Variants in DSCAML1 observed in about 807,000 individuals in gnomAD.
DSCAML1 encodes DS cell adhesion molecule like 1, also known as cell adhesion molecule DSCAML1.
Under a neutral mutation model 200.5 loss-of-function variants are expected in DSCAML1, and 38 were observed. That is an observed-to-expected ratio of 0.19 (90% confidence interval 0.15 to 0.25). DSCAML1 has a LOEUF of 0.25. DSCAML1 is among the 10% of genes least tolerant of loss of function. The pLI, the probability that DSCAML1 is intolerant of heterozygous loss-of-function variation, is 1.00. For synonymous variants in DSCAML1, 1,215 were observed against 1,165.0 expected (o/e 1.04, Z -0.87); for missense variants, 2,223 against 2,858.8 (o/e 0.78, Z 5.07).
At chr11:117,439,521 G>T in intron 22 of DSCAML1, 92 bp from the exon 23 acceptor site, 1 of 1,495,686 alleles carries the variant, frequency 6.7e-7, no homozygotes, top group Non-Finnish European at 9.0e-7. Flanking sequence ...AGAGCTGGGG[G>T]TGGAAGGAGG....
At chr11:117,676,510 C>T (rs937971653) in intron 3 of DSCAML1, among the ~76,000 whole-genome samples, 7 of 152,232 alleles carry the variant, frequency 4.6e-5, no homozygotes, top group Non-Finnish European at 1.0e-4. Flanking sequence ...CTCTCCAGCC[C>T]TCTTTTTCCC....
intron 3 of DSCAML1, among the ~76,000 whole-genome samples, chr11:117,635,884 G>C (rs755988138): frequency 2.6e-5 from 4 of 152,072 alleles, no homozygotes; most frequent in Non-Finnish European, 4.4e-5. Context: ...GGGGTTCAGG[G>C]GGAGTCTCTG....
chr11:117,574,829 T>G (rs1006141610), intron 3 of DSCAML1, among the ~76,000 whole-genome samples: 1 of 152,156 alleles, frequency 6.6e-6, no homozygotes, highest in Non-Finnish European at 1.5e-5. Context: ...AAGAGTCCAC[T>G]GCCTGGCCTG....
At chr11:117,457,362 G>C (rs1051457972) in intron 19 of DSCAML1, among the ~76,000 whole-genome samples, 13 of 152,174 alleles carry the variant, frequency 8.5e-5, no homozygotes, top group Non-Finnish European at 1.5e-4. Context: ...TAAACAGGTG[G>C]AGGTGCTTAT....
intron 3 of DSCAML1, among the ~76,000 whole-genome samples, chr11:117,639,676 T>C (rs2052363795): frequency 6.6e-6 from 1 of 152,068 alleles, no homozygotes. Context: ...GACGGTAGGC[T>C]TGTCTTCGTT....
At chr11:117,714,310 A>C (rs1033495985) in intron 3 of DSCAML1, among the ~76,000 whole-genome samples, 5 of 152,178 alleles carry the variant, frequency 3.3e-5, no homozygotes, top group Admixed American at 6.5e-5. Flanking sequence ...AATCTGCCCT[A>C]AAGGAACCCA....
At chr11:117,705,205 G>A (rs991046285) in intron 3 of DSCAML1, among the ~76,000 whole-genome samples, 5 of 152,162 alleles carry the variant, frequency 3.3e-5, no homozygotes, top group Non-Finnish European at 4.4e-5. Flanking sequence ...ATTAAAATGA[G>A]TTTGCAATCC....
intron 3 of DSCAML1, among the ~76,000 whole-genome samples, chr11:117,548,507 A>G (rs1302290969): frequency 6.6e-6 from 1 of 152,022 alleles, no homozygotes; most frequent in Non-Finnish European, 1.5e-5. Context: ...CCCTTTCCAG[A>G]CAGTTCACGG....
At chr11:117,742,700 C>T (rs570843436) in intron 3 of DSCAML1, among the ~76,000 whole-genome samples, 193 of 152,304 alleles carry the variant, frequency 1.3e-3, no homozygotes, top group African/African-American at 4.5e-3. Flanking sequence ...TCAACAAACG[C>T]ACACAGCATT....
At chr11:117,590,731 T>C (rs555118330) in intron 3 of DSCAML1, among the ~76,000 whole-genome samples, 85 of 152,306 alleles carry the variant, frequency 5.6e-4, no homozygotes, top group Non-Finnish European at 1.0e-3. Flanking sequence ...TGGGACCCAC[T>C]GTGCAGTGGG....
At chr11:117,624,389 C>T (rs991290374) in intron 3 of DSCAML1, among the ~76,000 whole-genome samples, 23 of 152,288 alleles carry the variant, frequency 1.5e-4, no homozygotes, top group African/African-American at 5.3e-4. Flanking sequence ...CACTATTAAT[C>T]TGCAAATAGA....
chr11:117,568,891 A>G (rs1229082945), intron 3 of DSCAML1, among the ~76,000 whole-genome samples: 10 of 152,206 alleles, frequency 6.6e-5, no homozygotes, highest in African/African-American at 2.4e-4. Flanking sequence ...TGTGGAACCA[A>G]AAAAGAGCCC....
At chr11:117,515,723 C>G (rs1276324532) in intron 8 of DSCAML1, among the ~76,000 whole-genome samples, 1 of 147,466 alleles carries the variant, frequency 6.8e-6, no homozygotes, top group African/African-American at 2.5e-5. Flanking sequence ...CAGGTTCAAG[C>G]AATTATCCTG....
At chr11:117,446,404 T>C (rs1226543206) in intron 20 of DSCAML1, among the ~76,000 whole-genome samples, 1 of 151,842 alleles carries the variant, frequency 6.6e-6, no homozygotes, top group Non-Finnish European at 1.5e-5. Flanking sequence ...CCAGAATCAA[T>C]AGGAAAGCAA....
chr11:117,439,163 T>C (rs2047986876), intron 23 of DSCAML1, 103 bp downstream of exon 23: 1 of 1,496,462 alleles, frequency 6.7e-7, no homozygotes, highest in Admixed American at 1.8e-5. Context: ...TGTCTCTCCC[T>C]TGGTTTGGCT....
chr11:117,692,196 C>T (rs2053507126), intron 3 of DSCAML1, among the ~76,000 whole-genome samples: 1 of 152,020 alleles, frequency 6.6e-6, no homozygotes, highest in South Asian at 2.1e-4. Flanking sequence ...CTCTCCTTGC[C>T]TCCCTGCTGC....
intron 3 of DSCAML1, among the ~76,000 whole-genome samples, chr11:117,686,587 T>G (rs1367889101): frequency 6.6e-6 from 1 of 152,228 alleles, no homozygotes; most frequent in Non-Finnish European, 1.5e-5. Context: ...AAAGTTCTCT[T>G]GGCCTGCTTG....
chr11:117,429,616 C>T (rs980466992), intron 32 of DSCAML1, among the ~76,000 whole-genome samples: 35 of 152,174 alleles, frequency 2.3e-4, no homozygotes, highest in African/African-American at 6.8e-4. Flanking sequence ...TCAGGTGATC[C>T]GCCTGCCTTG....
Position 117,450,560 on chromosome 11 carries a change from A to C in DSCAML1, c.3697T>G (p.Ser1233Ala). 3.1e-6 allele frequency: 5 copies of C among 1,613,932 alleles called. No homozygotes were observed. The highest frequency in any genetic ancestry group is 1.1e-5 in the South Asian group (1 of 91,034). ...KYTIFCSSPG[S>A]GQPAPSEYET... ...CTGAACTCACTTACCGGCTGGCCAG[A>C]CCCGGGGCTGGAACAGAAGATGGTG... Residue 1233 changes from serine (S) to alanine (A), a missense_variant, in exon 20 of 33, where the codon TCT (serine) becomes GCT (alanine). Coordinates refer to ENST00000651296, the MANE Select transcript of DSCAML1 (RefSeq NM_020693.4).
Sources: allele counts gnomAD v4.1 joint callset (sites outside exome capture counted in the v4.1 genomes callset), GRCh38; gene constraint gnomAD v4.1.1; transcripts MANE v1.5; gene names NCBI Gene and HGNC (gene_info 2026-07-23, HGNC 2026-07-21).